The following CLTCL1 variants were observed in gnomAD, a reference collection of about 807,000 sequenced individuals.
CLTCL1 encodes clathrin heavy chain like 1.
In CLTCL1, 159 loss-of-function variants were observed where a neutral mutation model predicts 190.0. The observed-to-expected ratio is 0.84, with a 90% CI of 0.74 to 0.95. The LOEUF is 0.95. CLTCL1 is among the 40% of genes least tolerant of loss of function. The probability of loss-of-function intolerance (pLI) is 0.00; values close to 1 mark genes in which losing one functional copy is unlikely to be tolerated. For synonymous variants in CLTCL1, 752 were observed against 769.6 expected (o/e 0.98, Z 0.38); for missense variants, 1,878 against 2,033.4 (o/e 0.92, Z 1.47).
At position 19,229,744 on chromosome 22, in the gene CLTCL1, C is replaced by T. The variant is rs547833193; in HGVS notation, c.1782+94G>A. On this transcript the variant is annotated intron_variant, in intron 11 of 32. Transcript: ENST00000427926. ...TACAAGATAAACATCTGGCACAAGCCCAGCCCAGTCCAAAGCCACTGTGCT... is the reference window on the plus strand; with the variant it reads ...TACAAGATAAACATCTGGCACAAGCTCAGCCCAGTCCAAAGCCACTGTGCT... 3.2e-5 allele frequency: 41 copies of T among 1,292,014 alleles called. No individual in the cohort carries two copies. The African/African-American group carries it at 6.3e-4, about 20-fold the overall frequency. 80.0% of individuals were successfully genotyped at this position (1,292,014 alleles called of 1,614,324 possible).
chr22:19,187,986 A>C lies in CLTCL1; in HGVS notation c.4429T>G (p.Tyr1477Asp). 1 of 1,613,480 alleles carries C rather than the reference A, an allele frequency of 6.2e-7. No homozygotes were observed. The highest frequency in any genetic ancestry group is 1.3e-5 in the African/African-American group (1 of 75,048). ...GCTCCTTCCTGCACACCCACCTGATAGTCCTCCTCCTCTGTCAGCAGGTGG... is the reference window on the plus strand; with the variant it reads ...GCTCCTTCCTGCACACCCACCTGATCGTCCTCCTCCTCTGTCAGCAGGTGG... ...LNHLLTEEED[Y>D]QGLRASIDAY... Residue 1477 changes from tyrosine (Y) to aspartate (D), a missense_variant, in exon 28 of 33, where the codon TAT (tyrosine) becomes GAT (aspartate). Transcript: ENST00000427926.
At chr22:19,286,433 G>A (rs1177969756) in intron 1 of CLTCL1, among the ~76,000 whole-genome samples, 1 of 141,452 alleles carries the variant, frequency 7.1e-6, no homozygotes, top group African/African-American at 2.5e-5. Context: ...ATCTTAAAAT[G>A]ACATTTTACA....
chr22:19,208,347 C>A, intron 21 of CLTCL1, 36 bp from the exon 22 acceptor site: 1 of 1,604,168 alleles, frequency 6.2e-7, no homozygotes. Context: ...TAACCCAGAG[C>A]TGATAATTTT....
intron 27 of CLTCL1, 82 bp downstream of exon 27, chr22:19,191,222 C>G (rs2146247166): frequency 6.4e-7 from 1 of 1,552,904 alleles, no homozygotes; most frequent in East Asian, 2.3e-5. Context: ...TTCAAAAACT[C>G]TTTATAAAGG....
In CLTCL1 at chr22:19,226,337, C is replaced by G. The variant is rs782293583; in HGVS notation, c.1829G>C (p.Arg610Pro). 5 of 1,614,010 alleles carry G rather than the reference C, an allele frequency of 3.1e-6. No individual in the cohort carries two copies. Among genetic ancestry groups the G allele is most frequent in the Non-Finnish European group, 4.2e-6 (5 of 1,179,898 alleles). The change falls in exon 12 of 33, where the codon CGG (arginine) becomes CCG (proline). Residue 610 changes from arginine (R) to proline (P), a missense_variant. Physicochemically the swap from Arg to Pro is moderately radical, Grantham distance 103 (BLOSUM62 -2). Coordinates refer to ENST00000427926, the MANE Select transcript of CLTCL1 (RefSeq NM_007098.4). ...LGNKMFTHYDRAHIAQLCEKA... is the reference protein window; with the variant it reads ...LGNKMFTHYDPAHIAQLCEKA... ...CTCACAGAGCTGGGCAATGTGGGCC[C>G]GGTCGTAATGAGTAAACATTTTATT...
At chr22:19,278,264 T>G (rs2087586134) in intron 1 of CLTCL1, among the ~76,000 whole-genome samples, 1 of 152,112 alleles carries the variant, frequency 6.6e-6, no homozygotes, top group African/African-American at 2.4e-5. Flanking sequence ...TCTTAGGTAT[T>G]ATATTGCTTA....
At chr22:19,234,755 A>G in intron 6 of CLTCL1, 49 bp from the exon 7 acceptor site, 1 of 1,485,196 alleles carries the variant, frequency 6.7e-7, no homozygotes, top group Non-Finnish European at 9.4e-7. Flanking sequence ...AGAGTGCTCC[A>G]CCATCCCTCT....
chr22:19,285,051 G>A (rs2087855972), intron 1 of CLTCL1, among the ~76,000 whole-genome samples: 2 of 152,138 alleles, frequency 1.3e-5, no homozygotes, highest in Admixed American at 6.5e-5. Context: ...CGAGGCAGGC[G>A]GATCACAAGG....
chr22:19,243,632 A>T (rs2086322724), intron 3 of CLTCL1, among the ~76,000 whole-genome samples: 1 of 149,870 alleles, frequency 6.7e-6, no homozygotes, highest in Non-Finnish European at 1.5e-5. Context: ...AAAAACCAAA[A>T]CCCCCAAACC....
intron 13 of CLTCL1, among the ~76,000 whole-genome samples, chr22:19,224,733 C>A (rs980223160): frequency 6.6e-6 from 1 of 152,194 alleles, no homozygotes; most frequent in Non-Finnish European, 1.5e-5. Context: ...CAGCTCCACT[C>A]AATCGTCTGC....
intron 2 of CLTCL1, among the ~76,000 whole-genome samples, chr22:19,257,358 CA>C (rs766410664): frequency 9.2e-5 from 14 of 152,142 alleles, no homozygotes; most frequent in Non-Finnish European, 1.9e-4. Context: ...CTCTTTTCAA[CA>C]AATAATACTG....
At chr22:19,250,294 T>A (rs1555969454) in intron 3 of CLTCL1, among the ~76,000 whole-genome samples, 1 of 151,180 alleles carries the variant, frequency 6.6e-6, no homozygotes, top group Non-Finnish European at 1.5e-5. Context: ...CAAAACCTGT[T>A]TTTTGGGCAC....
rs1308399611 is a variant in CLTCL1, at chr22:19,242,897, CCA to C, written c.557_558del (p.Val186GlyfsTer2). 3.1e-6 allele frequency: 5 copies of C among 1,613,760 alleles called. 1 individual carries two copies. The South Asian group carries it at 3.3e-5, about 11-fold the overall frequency. On this transcript the variant is annotated frameshift_variant, in exon 4 of 33. Coordinates refer to ENST00000427926, the MANE Select transcript of CLTCL1 (RefSeq NM_007098.4). LOFTEE classifies it high-confidence loss of function. ...TCTATGGGTTGTGAAACCTTCCTAT[CCA>C]CAGAGTAGAGCTGCATTGCTCCAAC... is the stretch of plus-strand genomic sequence containing the variant. ...RVVGAMQLYS[V>X]DRKVSQPIEG...
intron 3 of CLTCL1, chr22:19,249,822 T>C (rs782650995): frequency 1.2e-5 from 4 of 338,966 alleles, no homozygotes; most frequent in Non-Finnish European, 2.4e-5. Flanking sequence ...TTAACTTTCA[T>C]ACCCTGTTCA....
intron 30 of CLTCL1, 84 bp downstream of exon 30, chr22:19,183,306 C>A: frequency 7.9e-7 from 1 of 1,262,662 alleles, no homozygotes; most frequent in Non-Finnish European, 1.1e-6. Flanking sequence ...AGGGGCCCAC[C>A]CTTAAGACCT....
At chr22:19,265,798 G>A (rs988416348) in intron 2 of CLTCL1, among the ~76,000 whole-genome samples, 2 of 152,140 alleles carry the variant, frequency 1.3e-5, no homozygotes, top group Non-Finnish European at 2.9e-5. Context: ...GCAGCTGTGC[G>A]CATGTTCCTG....
intron 2 of CLTCL1, chr22:19,258,004 T>C: frequency 1.8e-6 from 1 of 564,198 alleles, no homozygotes; most frequent in Non-Finnish European, 3.3e-6. Flanking sequence ...ATCTTGCTGC[T>C]GCTGACTTTA....
At chr22:19,274,086 T>C (rs910884260) in intron 2 of CLTCL1, among the ~76,000 whole-genome samples, 1 of 152,176 alleles carries the variant, frequency 6.6e-6, no homozygotes, top group Admixed American at 6.5e-5. Flanking sequence ...AAGATTAAAA[T>C]GCAGATCATT....
rs199986791 is a variant in CLTCL1, at chr22:19,233,252, A to C, written c.1435T>G (p.Tyr479Asp). 16 of 1,614,026 alleles carry C rather than the reference A, an allele frequency of 9.9e-6. No homozygotes were observed. The Admixed American group carries it at 1.3e-4, about 13-fold the overall frequency. ...TTGCTTGGCACATTTGCCCGAAGGT[A>C]CACACTCAGAGCGAGCATGGGGTCA... is the stretch of plus-strand genomic sequence containing the variant. ...TTDPMLALSV[Y>D]LRANVPSKVI... Residue 479 changes from tyrosine (Y) to aspartate (D), a missense_variant, in exon 9 of 33, where the codon TAC (tyrosine) becomes GAC (aspartate). Physicochemically the swap from Tyr to Asp is radical, Grantham distance 160. Transcript: ENST00000427926.
Sources: allele counts gnomAD v4.1 joint callset (sites outside exome capture counted in the v4.1 genomes callset), GRCh38; gene constraint gnomAD v4.1.1; transcripts MANE v1.5; gene names NCBI Gene and HGNC (gene_info 2026-07-23, HGNC 2026-07-21).